The following FMN1 variants were observed in gnomAD, a reference collection of about 807,000 sequenced individuals.
The protein encoded by FMN1 is formin 1.
Under a neutral mutation model 132.4 loss-of-function variants are expected in FMN1, and 110 were observed. That is an observed-to-expected ratio of 0.83 (90% CI 0.71 to 0.97). The LOEUF (loss-of-function observed/expected upper bound fraction) is 0.97, where lower values mean the gene tolerates loss of function less well. Among genes scored for constraint, FMN1 ranks in the 50% least tolerant of loss-of-function variants. The probability of loss-of-function intolerance (pLI) is 0.00; values close to 1 mark genes in which losing one functional copy is unlikely to be tolerated. For synonymous variants in FMN1, 722 were observed against 651.7 expected, an observed-to-expected ratio of 1.11 and a Z score of -1.64; for missense variants, 1,792 against 1,705.3, an observed-to-expected ratio of 1.05 and a Z score of -0.90.
At chr15:32,976,993 C>G (rs2032262923) in intron 7 of FMN1, among the ~76,000 whole-genome samples, 1 of 152,204 alleles carries the variant, frequency 6.6e-6, no homozygotes, top group Non-Finnish European at 1.5e-5. Flanking sequence ...AAAATAGTAA[C>G]AAGGGGATTT....
intron 15 of FMN1, 123 bp from the exon 16 acceptor site, chr15:32,888,415 A>AGAGGAGCATTGCT: frequency 1.3e-6 from 1 of 791,026 alleles, no homozygotes; most frequent in Non-Finnish European, 1.9e-6. Context: ...GAATCATAGC[A>AGAGGAGCATTGCT]ATGCTCCTCT....
intron 10 of FMN1, among the ~76,000 whole-genome samples, chr15:32,913,733 T>G (rs780542283): frequency 1.3e-5 from 2 of 152,208 alleles, no homozygotes; most frequent in Non-Finnish European, 2.9e-5. Flanking sequence ...CTTCTCCCAG[T>G]AGACTGTGAA....
Position 33,151,359 on chromosome 15 carries a change from G to C in FMN1, c.1867+1689C>G, listed in dbSNP as rs1295844558. The C allele has an allele frequency of 1.1e-5, 17 of 1,536,596 alleles. No individual in the cohort carries two copies. The highest frequency in any genetic ancestry group is 5.9e-5 in the Admixed American group (3 of 50,988). On this transcript the variant is annotated intron_variant, in intron 4 of 20. Transcript: ENST00000616417. ...CTTATGACTGGTTCCTGAAAGTGCT[G>C]CTGAAGATCCCAATGGAAGGCTGAG...
At chr15:33,177,534 C>A (rs1965555358) in intron 3 of FMN1, among the ~76,000 whole-genome samples, 1 of 152,206 alleles carries the variant, frequency 6.6e-6, no homozygotes, top group South Asian at 2.1e-4. Context: ...TCCCTACTTA[C>A]AGTGCAATTC....
At position 33,024,096 on chromosome 15, in the gene FMN1, A is replaced by C. The variant is rs1212750980; in HGVS notation, c.2162-16021T>G. 2.0e-5 allele frequency among the ~76,000 whole-genome samples: 3 copies of C among 152,186 alleles called. No homozygotes were observed. The East Asian group carries it at 5.8e-4, about 29-fold the overall frequency. ...CCATTAGAAAAATGAACAAAAGGAC[A>C]GTAAATTTATGGAAGATAAACTCCA... On this transcript the variant is annotated intron_variant, in intron 6 of 20. Coordinates refer to ENST00000616417, the MANE Select transcript of FMN1 (RefSeq NM_001277313.2).
chr15:32,831,399 T>C (rs1444446901), intron 17 of FMN1, among the ~76,000 whole-genome samples: 2 of 151,992 alleles, frequency 1.3e-5, no homozygotes, highest in Non-Finnish European at 2.9e-5. Context: ...ATAACGCACA[T>C]ATCATGGAAG....
At chr15:32,904,758 G>T (rs2141621987) in intron 12 of FMN1, among the ~76,000 whole-genome samples, 1 of 152,312 alleles carries the variant, frequency 6.6e-6, no homozygotes, top group Non-Finnish European at 1.5e-5. Context: ...TCCAAAAACA[G>T]CCATGCAAGG....
In FMN1 at chr15:33,163,741, C is replaced by A. The variant is rs188616988; in HGVS notation, c.-131-8696G>T. Among the ~76,000 whole-genome samples, 3 of 152,186 alleles carry A rather than the reference C, an allele frequency of 2.0e-5. No individual in the cohort carries two copies. In the East Asian group the frequency reaches 5.8e-4, roughly 29 times the overall value. On this transcript the variant is annotated intron_variant, in intron 3 of 20. Coordinates refer to ENST00000616417, the MANE Select transcript of FMN1 (RefSeq NM_001277313.2). Reference sequence around the variant, plus strand: ...CAAGTGATTCTCCTGCCTCAGCCTCCCAAGTAGCTGGGATTACAGGCAGCC... The same window carrying A: ...CAAGTGATTCTCCTGCCTCAGCCTCACAAGTAGCTGGGATTACAGGCAGCC...
intron 4 of FMN1, among the ~76,000 whole-genome samples, chr15:33,116,674 T>C (rs746857566): frequency 1.3e-5 from 2 of 152,284 alleles, no homozygotes; most frequent in Admixed American, 6.5e-5. Context: ...CTGCCTGTGA[T>C]AAAGCAGTTG....
intron 7 of FMN1, 121 bp from the exon 8 acceptor site, chr15:32,969,598 A>G: frequency 9.1e-7 from 1 of 1,100,434 alleles, no homozygotes; most frequent in Non-Finnish European, 1.3e-6. Flanking sequence ...ATGCAGGGAA[A>G]TACAGAGACA....
chr15:33,077,233 C>CTA (rs1360873260), intron 5 of FMN1, among the ~76,000 whole-genome samples: 25 of 151,584 alleles, frequency 1.6e-4, no homozygotes, highest in African/African-American at 5.6e-4. Context: ...TAGGGTTTCT[C>CTA]TATGTTGCTC....
Position 32,774,247 on chromosome 15 carries a change from T to G in FMN1, c.*63A>C. 7.9e-7 allele frequency: 1 copy of G among 1,266,382 alleles called. No homozygotes were observed. Among genetic ancestry groups the G allele is most frequent in the Non-Finnish European group, 1.1e-6 (1 of 883,078 alleles). 78.4% of individuals were successfully genotyped at this position (1,266,382 alleles called of 1,614,324 possible). The stretch of plus-strand genomic sequence containing the variant: ...TCAAGAACGTCCTGCAACCCTGTGG[T>G]CACAAAGAGTATGCGTGCAAGGTCC... On this transcript the variant is annotated 3_prime_UTR_variant, in exon 21 of 21. Transcript: ENST00000616417.
rs16959743 is a variant in FMN1, at chr15:32,845,339, G to C, written c.3928+11676C>G. On this transcript the variant is annotated intron_variant, in intron 17 of 20. Transcript: ENST00000616417. ...CTGCAATTCTTTACTAATTACAATG[G>C]AAACTTTGTTGTTATTGTTGGGAAA... is the stretch of plus-strand genomic sequence containing the variant. Among the ~76,000 whole-genome samples the C allele has an allele frequency of 2.0e-3, 300 of 152,242 alleles. 2 individuals carry two copies. Among genetic ancestry groups the C allele is most frequent in the African/African-American group, 7.1e-3 (294 of 41,548 alleles).
chr15:32,906,835 C>T (rs2060437018), intron 12 of FMN1, among the ~76,000 whole-genome samples: 1 of 152,182 alleles, frequency 6.6e-6, no homozygotes, highest in Admixed American at 6.5e-5. Flanking sequence ...CCTCACTTGA[C>T]TTGATTCACA....
At position 32,974,703 on chromosome 15, in the gene FMN1, TCAA is replaced by T. The variant is rs564994792; in HGVS notation, c.2224-5229_2224-5227del. Among the ~76,000 whole-genome samples the T allele has an allele frequency of 7.2e-5, 11 of 152,328 alleles. 1 individual carries two copies. Among genetic ancestry groups the T allele is most frequent in the South Asian group, 4.1e-4 (2 of 4,830 alleles). ...ATTCCAATGGGAGCCAGAGGTGAAA[TCAA>T]CAACAACTGTTCTTAATCCGTATTC... On this transcript the variant is annotated intron_variant, in intron 7 of 20. Transcript: ENST00000616417.
chr15:33,158,206 TA>T (rs533033689), intron 3 of FMN1, among the ~76,000 whole-genome samples: 194 of 152,182 alleles, frequency 1.3e-3, no homozygotes, highest in African/African-American at 4.5e-3. Flanking sequence ...AGGACTGACA[TA>T]AAGGCTATAT....
At chr15:32,936,807 A>G (rs2061284791) in intron 9 of FMN1, among the ~76,000 whole-genome samples, 1 of 152,144 alleles carries the variant, frequency 6.6e-6, no homozygotes, top group Non-Finnish European at 1.5e-5. Context: ...AGTTCCTTGG[A>G]CAACACTGTG....
intron 5 of FMN1, among the ~76,000 whole-genome samples, chr15:33,070,041 T>A (rs961169419): frequency 5.6e-5 from 8 of 142,808 alleles, no homozygotes; most frequent in Non-Finnish European, 1.2e-4. Flanking sequence ...GTTTCGCTCT[T>A]CTTGCCCAGG....
intron 2 of FMN1, among the ~76,000 whole-genome samples, chr15:33,188,263 C>T (rs1412902285): frequency 6.6e-6 from 1 of 152,130 alleles, no homozygotes; most frequent in African/African-American, 2.4e-5. Context: ...TTGCTTGAAC[C>T]CAGGAGGCAG....
Sources: gnomAD v4.1 joint callset for allele counts (sites outside exome capture counted in the v4.1 genomes callset) on GRCh38, gnomAD v4.1.1 for gene constraint, MANE v1.5 for transcripts, NCBI Gene and HGNC (gene_info 2026-07-23, HGNC 2026-07-21) for gene names.